Variants in TSHZ2 observed in about 807,000 individuals in gnomAD.
TSHZ2 encodes teashirt homolog 2.
Under a neutral mutation model 74.4 loss-of-function variants are expected in TSHZ2, and 21 were observed. The observed-to-expected ratio is 0.28, with a 90% CI of 0.20 to 0.41. TSHZ2 has a LOEUF of 0.41. TSHZ2 is among the 10% of genes least tolerant of loss of function. The pLI, the probability that TSHZ2 is intolerant of heterozygous loss-of-function variation, is 1.00. For missense variants in TSHZ2, 1,244 were observed against 1,293.5 expected (o/e 0.96, Z 0.59); for synonymous variants, 540 against 515.3 (o/e 1.05, Z -0.65).
intron 2 of TSHZ2, among the ~76,000 whole-genome samples, chr20:53,267,929 C>T (rs1470861969): frequency 6.6e-6 from 1 of 152,102 alleles, no homozygotes; most frequent in East Asian, 1.9e-4. Flanking sequence ...AGTGATTGTC[C>T]AAGGTCACGC....
intron 2 of TSHZ2, among the ~76,000 whole-genome samples, chr20:53,368,928 G>A (rs1348657842): frequency 2.0e-5 from 3 of 152,180 alleles, no homozygotes; most frequent in Admixed American, 2.0e-4. Context: ...GGGTTCAGTA[G>A]CAACAAGGGC....
At chr20:53,441,224 TA>T (rs200113345) in intron 2 of TSHZ2, among the ~76,000 whole-genome samples, 4,995 of 39,986 alleles carry the variant, frequency 0.12, 102 homozygotes, top group Admixed American at 0.15. Context: ...TTTATTTGTT[TA>T]TTTTATTTTA....
At chr20:52,982,367 T>G (rs980571778) in intron 1 of TSHZ2, among the ~76,000 whole-genome samples, 1 of 152,208 alleles carries the variant, frequency 6.6e-6, no homozygotes, top group Non-Finnish European at 1.5e-5. Flanking sequence ...AGTCTTATTA[T>G]TCTCCCCCTG....
chr20:52,995,090 T>A (rs1259002886), intron 1 of TSHZ2, among the ~76,000 whole-genome samples: 1 of 152,170 alleles, frequency 6.6e-6, no homozygotes, highest in Non-Finnish European at 1.5e-5. Context: ...CCTCAGCACC[T>A]CTAGAGGTCA....
chr20:53,460,842 C>T (rs1247445761), intron 2 of TSHZ2, among the ~76,000 whole-genome samples: 1 of 152,206 alleles, frequency 6.6e-6, no homozygotes, highest in East Asian at 1.9e-4. Flanking sequence ...TGGGGGGTGC[C>T]TCCCAGTTAG....
chr20:53,436,539 A>ATTTTTTTTTTTTTTTTTTTTT (rs1368192791), intron 2 of TSHZ2, among the ~76,000 whole-genome samples: 4 of 90,036 alleles, frequency 4.4e-5, no homozygotes, highest in Non-Finnish European at 6.1e-5. Flanking sequence ...TATTATTATT[A>ATTTTTTTTTTTTTTTTTTTTT]TTATTATTAT....
At chr20:52,978,734 C>T (rs528201547) in intron 1 of TSHZ2, among the ~76,000 whole-genome samples, 14 of 152,214 alleles carry the variant, frequency 9.2e-5, no homozygotes, top group East Asian at 5.8e-4. Flanking sequence ...AGAAGCCTGG[C>T]GCACAAATAA....
intron 2 of TSHZ2, among the ~76,000 whole-genome samples, chr20:53,321,414 G>A (rs555668574): frequency 3.9e-5 from 6 of 152,114 alleles, no homozygotes; most frequent in Middle Eastern, 3.4e-3. Flanking sequence ...TGTCAGGTGC[G>A]GTGGCTCACG....
chr20:53,146,673 C>T (rs1011797505), intron 1 of TSHZ2, among the ~76,000 whole-genome samples: 9 of 152,140 alleles, frequency 5.9e-5, no homozygotes, highest in African/African-American at 2.2e-4. Flanking sequence ...GTGAAGATGA[C>T]ACAGAAAAGT....
intron 1 of TSHZ2, among the ~76,000 whole-genome samples, chr20:53,093,988 GTTTT>G (rs10548699): frequency 1.4e-5 from 2 of 145,474 alleles, no homozygotes; most frequent in East Asian, 2.0e-4. Flanking sequence ...TTTTGACTTA[GTTTT>G]TTTTTTTTTT....
At chr20:53,330,271 C>T (rs973753048) in intron 2 of TSHZ2, among the ~76,000 whole-genome samples, 6 of 152,102 alleles carry the variant, frequency 3.9e-5, no homozygotes, top group Non-Finnish European at 7.3e-5. Flanking sequence ...GCACCCTTTC[C>T]GAAGCTTCCC....
intron 1 of TSHZ2, among the ~76,000 whole-genome samples, chr20:53,248,486 ATTC>A (rs1166526193): frequency 1.4e-4 from 21 of 152,238 alleles, no homozygotes; most frequent in Non-Finnish European, 2.8e-4. Flanking sequence ...CATATAAAAT[ATTC>A]TTCTCCAATA....
At chr20:53,026,053 T>A (rs1002548079) in intron 1 of TSHZ2, among the ~76,000 whole-genome samples, 2 of 152,178 alleles carry the variant, frequency 1.3e-5, no homozygotes, top group African/African-American at 4.8e-5. Context: ...TCATTTGTTT[T>A]TCCTCTCTAA....
At chr20:53,284,257 T>G (rs1991120967) in intron 2 of TSHZ2, among the ~76,000 whole-genome samples, 2 of 152,214 alleles carry the variant, frequency 1.3e-5, no homozygotes, top group South Asian at 4.1e-4. Context: ...TTCAATCTAA[T>G]GAACTCCAAC....
chr20:53,170,016 A>G (rs895703134), intron 1 of TSHZ2, among the ~76,000 whole-genome samples: 2 of 152,154 alleles, frequency 1.3e-5, no homozygotes, highest in Non-Finnish European at 2.9e-5. Flanking sequence ...CAAGAATGCT[A>G]CTTGTCTTCA....
At chr20:53,366,293 T>C (rs1981254450) in intron 2 of TSHZ2, among the ~76,000 whole-genome samples, 1 of 152,240 alleles carries the variant, frequency 6.6e-6, no homozygotes, top group African/African-American at 2.4e-5. Flanking sequence ...TCCACAGTTT[T>C]GCTGAGAATT....
At chr20:53,012,690 ATACATGCACACC>A (rs1252822264) in intron 1 of TSHZ2, among the ~76,000 whole-genome samples, 4 of 152,072 alleles carry the variant, frequency 2.6e-5, no homozygotes, top group Admixed American at 2.0e-4. Flanking sequence ...ACATGCACAC[ATACATGCACACC>A]TACACATATG....
intron 1 of TSHZ2, among the ~76,000 whole-genome samples, chr20:53,018,803 A>G (rs554967505): frequency 5.1e-4 from 78 of 152,312 alleles, no homozygotes; most frequent in African/African-American, 1.9e-3. Context: ...TTAGGTTCTC[A>G]GCTCTACACT....
chr20:53,318,701 C>G (rs191233540), intron 2 of TSHZ2, among the ~76,000 whole-genome samples: 1 of 152,284 alleles, frequency 6.6e-6, no homozygotes, highest in Admixed American at 6.5e-5. Context: ...CCAGGCTGGG[C>G]ACCATGCTTG....
Sources: gnomAD v4.1 joint callset for allele counts (sites outside exome capture counted in the v4.1 genomes callset) on GRCh38, gnomAD v4.1.1 for gene constraint, MANE v1.5 for transcripts, NCBI Gene and HGNC (gene_info 2026-07-23, HGNC 2026-07-21) for gene names.